TOPAZ1: variants seen among roughly 807,000 people sequenced by gnomAD.
The protein encoded by TOPAZ1 is testis and ovary specific TOPAZ 1, also known as protein TOPAZ1.
TOPAZ1 carries 66 observed loss-of-function variants against 172.2 expected under a neutral mutation model. The observed-to-expected ratio is 0.38, with a 90% confidence interval of 0.31 to 0.47. TOPAZ1 has a LOEUF of 0.47. TOPAZ1 is among the 20% of genes least tolerant of loss of function. The probability of loss-of-function intolerance (pLI) is 0.99; values close to 1 mark genes in which losing one functional copy is unlikely to be tolerated. For synonymous variants in TOPAZ1, 681 were observed against 683.9 expected (o/e 1.00, Z 0.07); for missense variants, 1,822 against 1,972.4 (o/e 0.92, Z 1.44).
At position 44,242,288 on chromosome 3, in the gene TOPAZ1, A is replaced by G. The variant is rs915545247; in HGVS notation, c.235A>G (p.Arg79Gly). ...VAASGAGKAARRQVEGRRGPV... is the reference protein window; with the variant it reads ...VAASGAGKAAGRQVEGRRGPV... ...AGCATCAGGGGCTGGAAAGGCCGCAAGGCGTCAGGTGGAGGGGCGCAGGGG... is the reference window on the plus strand; with the variant it reads ...AGCATCAGGGGCTGGAAAGGCCGCAGGGCGTCAGGTGGAGGGGCGCAGGGG... The change falls in exon 1 of 20, where the codon AGG (arginine) becomes GGG (glycine). Residue 79 changes from arginine to glycine, a missense_variant. Physicochemically the swap from Arg to Gly is moderately radical, Grantham distance 125. Coordinates refer to ENST00000309765, the MANE Select transcript of TOPAZ1 (RefSeq NM_001145030.2). The G allele has an allele frequency of 1.3e-6, 2 of 1,551,204 alleles. No individual in the cohort carries two copies. The highest frequency in any genetic ancestry group is 2.4e-5 in the East Asian group (1 of 40,896).
At chr3:44,306,750 G>A (rs1004221007) in intron 15 of TOPAZ1, among the ~76,000 whole-genome samples, 1 of 152,056 alleles carries the variant, frequency 6.6e-6, no homozygotes, top group Non-Finnish European at 1.5e-5. Flanking sequence ...TCTCAGTATA[G>A]AGAACACTTA....
chr3:44,287,326 A>T, intron 9 of TOPAZ1, 63 bp from the exon 10 acceptor site: 1 of 960,018 alleles, frequency 1.0e-6, no homozygotes, highest in South Asian at 3.8e-5. Context: ...AAAATTATCA[A>T]ATTTAAGAAA....
intron 18 of TOPAZ1, among the ~76,000 whole-genome samples, chr3:44,326,708 C>CA (rs1700604199): frequency 6.6e-6 from 1 of 152,138 alleles, no homozygotes; most frequent in Admixed American, 6.6e-5. Flanking sequence ...TTTCCTTTCT[C>CA]ACGCTCCTGA....
rs1196278675 is a variant in TOPAZ1 at position 44,242,883 on chromosome 3, C to T, written c.377C>T (p.Ser126Leu). The change falls in exon 2 of 20, where the codon TCA becomes TTA. Residue 126 changes from serine (S) to leucine (L), a missense_variant. By Grantham distance (145) the Ser-to-Leu change is moderately radical. This residue lies in a region of TOPAZ1 where 1,489 missense variants were observed against 1,490.8 expected (regional missense o/e 1.00). Transcript: ENST00000309765. ...TKEKRKVTEASSDDPQPGLDL... is the reference protein window; with the variant it reads ...TKEKRKVTEALSDDPQPGLDL... ...GAAAAAAGAAAAGTTACTGAAGCCT[C>T]AAGTGATGATCCACAGCCAGGGCTT... 6.6e-7 allele frequency: 1 copy of T among 1,519,020 alleles called. No homozygotes were observed. The allele number at this position is 1,519,020 out of a possible 1,614,324, so 94.1% of individuals were successfully genotyped here. A position where few individuals can be genotyped will look rare whatever the true frequency, so the allele number is the denominator to read the frequency against.
At chr3:44,306,206 G>A (rs954256936) in intron 14 of TOPAZ1, 120 bp from the exon 15 acceptor site, 16 of 577,326 alleles carry the variant, frequency 2.8e-5, no homozygotes, top group East Asian at 1.7e-4. Context: ...ATACAAAAAC[G>A]GGGCACAGTT....
At chr3:44,266,666 T>C (rs549208712) in intron 5 of TOPAZ1, among the ~76,000 whole-genome samples, 1 of 152,266 alleles carries the variant, frequency 6.6e-6, no homozygotes, top group Non-Finnish European at 1.5e-5. Flanking sequence ...TACCCTCTTA[T>C]AGGGGCTTAG....
chr3:44,327,222 G>A (rs1326118536), intron 18 of TOPAZ1, among the ~76,000 whole-genome samples: 1 of 152,206 alleles, frequency 6.6e-6, no homozygotes, highest in African/African-American at 2.4e-5. Context: ...ATGGCACATA[G>A]CAGGTCTTCA....
rs1328187859 is a variant in TOPAZ1 at position 44,243,870 on chromosome 3, A to C, written c.1364A>C (p.Lys455Thr). ...DFKSMKSFIG[K>T]SPNEYHIERR... ...AAATCGATGAAAAGCTTCATAGGGAAATCACCTAATGAGTACCATATTGAA... is the reference window on the plus strand; with the variant it reads ...AAATCGATGAAAAGCTTCATAGGGACATCACCTAATGAGTACCATATTGAA... Residue 455 changes from lysine (K) to threonine (T), a missense_variant, in exon 2 of 20, where the codon AAA becomes ACA. By Grantham distance (78) the Lys-to-Thr change is moderately conservative. Around this residue, in one of 2 missense-constraint regions of TOPAZ1, gnomAD observed 1,489 missense variants for 1,490.8 expected, o/e 1.00. Transcript: ENST00000309765. 41 of 1,551,804 alleles carry C rather than the reference A, an allele frequency of 2.6e-5. No homozygotes were observed. Among genetic ancestry groups the C allele is most frequent in the Non-Finnish European group, 3.4e-5 (39 of 1,147,008 alleles).
intron 12 of TOPAZ1, among the ~76,000 whole-genome samples, chr3:44,298,891 TTATA>T (rs201179432): frequency 1.8e-4 from 3 of 17,118 alleles, no homozygotes; most frequent in African/African-American, 8.3e-4. Context: ...TGTATATATA[TTATA>T]TATATATATA....
In TOPAZ1 at chr3:44,270,827, C is replaced by A; in HGVS notation, c.3372+17C>A. On this transcript the variant is annotated intron_variant, in intron 8 of 19. Transcript: ENST00000309765. ...GATGAAAAGGTAAAACATATAAAGTCTTTAAAGTAGAGATTGTTTTAATAA... is the reference window on the plus strand; with the variant it reads ...GATGAAAAGGTAAAACATATAAAGTATTTAAAGTAGAGATTGTTTTAATAA... 6.5e-7 allele frequency: 1 copy of A among 1,531,556 alleles called. No homozygotes were observed. The highest frequency in any genetic ancestry group is 2.5e-5 in the East Asian group (1 of 40,538). 94.9% of individuals were successfully genotyped at this position (1,531,556 alleles called of 1,614,324 possible). A position where few individuals can be genotyped will look rare whatever the true frequency, so the allele number is the denominator to read the frequency against.
rs1410188861 is a variant in TOPAZ1, at chr3:44,241,926, C to A, written c.-128C>A. 3.3e-6 allele frequency: 3 copies of A among 897,198 alleles called. No homozygotes were observed. Among genetic ancestry groups the A allele is most frequent in the Non-Finnish European group, 1.6e-6 (1 of 610,402 alleles). The allele number at this position is 897,198 out of a possible 1,614,324, so 55.6% of individuals were successfully genotyped here. On this transcript the variant is annotated 5_prime_UTR_variant, in exon 1 of 20. The change creates a new upstream start codon in the 5' untranslated region. Coordinates refer to ENST00000309765, the MANE Select transcript of TOPAZ1 (RefSeq NM_001145030.2). ...CCCCACTTCCGCTTCCGGCCCCGGG[C>A]TGTGGTGACTGGCGGTGTGGGGTGG...
chr3:44,311,701 T>C (rs1020366097), intron 16 of TOPAZ1, among the ~76,000 whole-genome samples: 1 of 152,208 alleles, frequency 6.6e-6, no homozygotes, highest in Admixed American at 6.5e-5. Flanking sequence ...CAGTTGTTCC[T>C]AGAATTTTTT....
At chr3:44,247,940 C>T (rs771720549) in intron 2 of TOPAZ1, among the ~76,000 whole-genome samples, 6 of 152,172 alleles carry the variant, frequency 3.9e-5, no homozygotes, top group African/African-American at 7.2e-5. Flanking sequence ...CATGAGCCAC[C>T]GTGCCTGGCC....
chr3:44,314,038 T>C (rs1459718771), intron 16 of TOPAZ1, among the ~76,000 whole-genome samples: 1 of 152,198 alleles, frequency 6.6e-6, no homozygotes, highest in Non-Finnish European at 1.5e-5. Flanking sequence ...CTTTGCATTT[T>C]TATATTATTT....
chr3:44,291,622 GA>G (rs972875160), intron 12 of TOPAZ1, among the ~76,000 whole-genome samples: 5 of 128,150 alleles, frequency 3.9e-5, no homozygotes, highest in South Asian at 2.4e-4. Context: ...AATAAAAACT[GA>G]AAAAAAAACT....
At chr3:44,271,259 A>T (rs994041007) in intron 8 of TOPAZ1, among the ~76,000 whole-genome samples, 3 of 151,988 alleles carry the variant, frequency 2.0e-5, no homozygotes, top group African/African-American at 7.3e-5. Context: ...ACCAAATTAC[A>T]CTCTTACCAG....
chr3:44,296,018 C>T (rs1443787328), intron 12 of TOPAZ1, among the ~76,000 whole-genome samples: 1 of 152,072 alleles, frequency 6.6e-6, no homozygotes, highest in Admixed American at 6.6e-5. Context: ...ATACAGAGTA[C>T]ATTATTTGAC....
intron 4 of TOPAZ1, among the ~76,000 whole-genome samples, chr3:44,258,492 A>G (rs901408210): frequency 1.1e-4 from 17 of 152,046 alleles, no homozygotes; most frequent in Admixed American, 5.9e-4. Context: ...GGACAACCAC[A>G]TATCTGTTCT....
At chr3:44,334,122 A>G (rs549904428), downstream of TOPAZ1, among the ~76,000 whole-genome samples, 2 of 152,320 alleles carry the variant, frequency 1.3e-5, no homozygotes, top group African/African-American at 4.8e-5. Context: ...CTGGTACCAG[A>G]TGCCAGGTTT....
Sources: allele counts gnomAD v4.1 joint callset (sites outside exome capture counted in the v4.1 genomes callset), GRCh38; gene constraint gnomAD v4.1.1; regional missense constraint gnomAD v4.1.1; transcripts MANE v1.5; gene names NCBI Gene and HGNC (gene_info 2026-07-23, HGNC 2026-07-21).